Variants in HOMER1 observed in about 807,000 individuals in gnomAD.
HOMER1 encodes homer protein homolog 1.
A neutral mutation model predicts 48.9 loss-of-function variants in HOMER1; 3 were observed. That is an observed-to-expected ratio of 0.06 (90% CI 0.03 to 0.16). HOMER1 has a LOEUF of 0.16. Among genes scored for constraint, HOMER1 ranks in the 10% least tolerant of loss-of-function variants. The probability of loss-of-function intolerance (pLI) is 1.00; values close to 1 mark genes in which losing one functional copy is unlikely to be tolerated. For synonymous variants in HOMER1, 134 were observed against 146.4 expected (o/e 0.92, Z 0.61); for missense variants, 247 against 411.4 (o/e 0.60, Z 3.46).
At chr5:79,407,836 A>G (rs1010136341) in intron 5 of HOMER1, among the ~76,000 whole-genome samples, 1 of 152,206 alleles carries the variant, frequency 6.6e-6, no homozygotes, top group African/African-American at 2.4e-5. Context: ...AACATATTAT[A>G]CATAGAGGAA....
intron 1 of HOMER1, among the ~76,000 whole-genome samples, chr5:79,492,802 A>T (rs1040373508): frequency 6.6e-6 from 1 of 151,964 alleles, no homozygotes; most frequent in South Asian, 2.1e-4. Flanking sequence ...CTAAGGGGGG[A>T]AAAAGTGATA....
chr5:79,460,669 G>C (rs546401937), intron 1 of HOMER1, among the ~76,000 whole-genome samples: 1 of 152,152 alleles, frequency 6.6e-6, no homozygotes, highest in African/African-American at 2.4e-5. Flanking sequence ...TTTGTTCCTC[G>C]GGACATTTCA....
intron 1 of HOMER1, among the ~76,000 whole-genome samples, chr5:79,471,281 T>G (rs1751606780): frequency 6.6e-6 from 1 of 152,120 alleles, no homozygotes; most frequent in African/African-American, 2.4e-5. Context: ...CGGTGGCTCA[T>G]GCCTATGCTA....
At position 79,373,157 on chromosome 5, in the gene HOMER1, A is replaced by G. The variant is rs1321405098; in HGVS notation, c.*2852T>C. 1 of 152,118 alleles carries G rather than the reference A, an allele frequency of 6.6e-6. No homozygotes were observed. Among genetic ancestry groups the G allele is most frequent in the Non-Finnish European group, 1.5e-5 (1 of 67,964 alleles). The allele number at this position is 152,118 out of a possible 1,614,324, so 9.4% of individuals were successfully genotyped here. ...TCACAACATAACACACTAATGCAAA[A>G]TCCAGTAGCACCTGAAAGATTTAAG... On this transcript the variant is annotated 3_prime_UTR_variant, in exon 9 of 9. Transcript: ENST00000334082.
intron 5 of HOMER1, among the ~76,000 whole-genome samples, chr5:79,438,659 A>G (rs1750658784): frequency 6.6e-6 from 1 of 152,134 alleles, no homozygotes; most frequent in Non-Finnish European, 1.5e-5. Context: ...AAAAATAGAA[A>G]CCAGGTTAAT....
At chr5:79,453,997 T>G (rs552376109) in intron 2 of HOMER1, among the ~76,000 whole-genome samples, 46 of 152,246 alleles carry the variant, frequency 3.0e-4, no homozygotes, top group Admixed American at 1.4e-3. Context: ...AAAATATAAC[T>G]CTGCTACAGA....
In HOMER1 at chr5:79,376,100, T is replaced by C; in HGVS notation, c.974A>G (p.Asn325Ser). ...CAGAATTTCTAAGAGTGTCTTCAGG[T>C]TATTGCGAAAAGCTTCTTGTTCATT... ...SQNEQEAFRN[N>S]LKTLLEILDG... Residue 325 changes from asparagine to serine, a missense_variant, in exon 9 of 9, where the codon AAC becomes AGC. Asn to Ser is a conservative substitution (Grantham distance 46). Around this residue, in one of 4 missense-constraint regions of HOMER1, gnomAD observed 113 missense variants for 152.5 expected, o/e 0.74. Transcript: ENST00000334082. The C allele has an allele frequency of 6.2e-7, 1 of 1,613,740 alleles. No homozygotes were observed. The highest frequency in any genetic ancestry group is 1.1e-5 in the South Asian group (1 of 91,028).
At position 79,374,443 on chromosome 5, in the gene HOMER1, AAAAC is replaced by A. The variant is rs1267393362; in HGVS notation, c.*1562_*1565del. ...TATTTACGTACATACACATACATAA[AAAAC>A]AAAATTGTCTAGTATTGAGTAGCTG... On this transcript the variant is annotated 3_prime_UTR_variant, in exon 9 of 9. Transcript: ENST00000334082. The A allele has an allele frequency of 2.0e-5, 3 of 152,400 alleles. No homozygotes were observed. In the East Asian group the frequency reaches 5.8e-4, roughly 29 times the overall value. 9.4% of individuals were successfully genotyped at this position (152,400 alleles called of 1,614,324 possible). A position where few individuals can be genotyped will look rare whatever the true frequency, so the allele number is the denominator to read the frequency against.
chr5:79,471,404 G>A (rs924487323), intron 1 of HOMER1, among the ~76,000 whole-genome samples: 3 of 151,762 alleles, frequency 2.0e-5, no homozygotes, highest in African/African-American at 7.3e-5. Context: ...AAATTAGCCG[G>A]GCATGGTGGC....
intron 8 of HOMER1, among the ~76,000 whole-genome samples, chr5:79,377,356 C>A (rs984773126): frequency 1.3e-5 from 2 of 152,168 alleles, no homozygotes; most frequent in Non-Finnish European, 1.5e-5. Context: ...CTAATGATTT[C>A]ATTTTGGTTA....
chr5:79,470,655 A>G (rs1175613368), intron 1 of HOMER1, among the ~76,000 whole-genome samples: 3 of 152,174 alleles, frequency 2.0e-5, no homozygotes, highest in Non-Finnish European at 4.4e-5. Context: ...CAACATAGAA[A>G]TTTTTTAATG....
At chr5:79,441,052 C>T (rs1219719939) in intron 4 of HOMER1, among the ~76,000 whole-genome samples, 2 of 151,940 alleles carry the variant, frequency 1.3e-5, no homozygotes, top group Non-Finnish European at 2.9e-5. Context: ...CCCAGCTATT[C>T]GGGAGGCTGA....
intron 2 of HOMER1, among the ~76,000 whole-genome samples, chr5:79,453,855 G>A (rs920183418): frequency 2.0e-5 from 3 of 152,112 alleles, no homozygotes; most frequent in African/African-American, 7.2e-5. Context: ...GGGGTGAGAT[G>A]GAGAAAACAC....
At chr5:79,426,135 G>T (rs1387183406) in intron 5 of HOMER1, among the ~76,000 whole-genome samples, 1 of 151,986 alleles carries the variant, frequency 6.6e-6, no homozygotes, top group East Asian at 1.9e-4. Context: ...GCAAATGCTG[G>T]TGAGGATAGA....
chr5:79,458,624 T>A (rs150167862), intron 1 of HOMER1, among the ~76,000 whole-genome samples: 1 of 152,252 alleles, frequency 6.6e-6, no homozygotes, highest in Non-Finnish European at 1.5e-5. Flanking sequence ...GTAGGTAACC[T>A]GGCACTTTCC....
intron 5 of HOMER1, among the ~76,000 whole-genome samples, chr5:79,424,062 A>G (rs1750176478): frequency 6.6e-6 from 1 of 152,096 alleles, no homozygotes. Flanking sequence ...GGGAACTGGT[A>G]CAAGAAGCCC....
At chr5:79,479,298 C>T (rs1751880253) in intron 1 of HOMER1, among the ~76,000 whole-genome samples, 1 of 152,142 alleles carries the variant, frequency 6.6e-6, no homozygotes, top group African/African-American at 2.4e-5. Flanking sequence ...GACCTAGAAC[C>T]TGTGAATGTT....
chr5:79,506,091 A>C (rs1221528077), intron 1 of HOMER1, among the ~76,000 whole-genome samples: 2 of 150,918 alleles, frequency 1.3e-5, no homozygotes, highest in Non-Finnish European at 2.9e-5. Context: ...GAAGTGAACA[A>C]ATTTTTAAAA....
At chr5:79,454,081 C>T (rs957328471) in intron 2 of HOMER1, among the ~76,000 whole-genome samples, 4 of 152,090 alleles carry the variant, frequency 2.6e-5, no homozygotes, top group East Asian at 1.9e-4. Context: ...CAATCAGCAA[C>T]GTATATTCAG....
Sources: gnomAD v4.1 joint callset for allele counts (sites outside exome capture counted in the v4.1 genomes callset) on GRCh38, gnomAD v4.1.1 for gene constraint, gnomAD v4.1.1 regional missense constraint, MANE v1.5 for transcripts, NCBI Gene and HGNC (gene_info 2026-07-23, HGNC 2026-07-21) for gene names.